Variants in CACNA1S observed in about 807,000 individuals in gnomAD.
CACNA1S encodes the protein voltage-dependent L-type calcium channel subunit alpha-1S.
CACNA1S carries 126 observed loss-of-function variants against 207.4 expected under a neutral mutation model. The ratio of observed to expected loss-of-function variants is 0.61; its 90% CI spans 0.53 to 0.70. The LOEUF is 0.70. Among genes scored for constraint, CACNA1S ranks in the 30% least tolerant of loss-of-function variants. The pLI is 0.00. For synonymous variants in CACNA1S, 960 were observed against 932.7 expected (o/e 1.03, Z -0.53); for missense variants, 2,349 against 2,422.8 (o/e 0.97, Z 0.64).
At chr1:201,107,487 G>C (rs769921254) in intron 2 of CACNA1S, among the ~76,000 whole-genome samples, 9 of 152,194 alleles carry the variant, frequency 5.9e-5, no homozygotes, top group Non-Finnish European at 5.9e-5. Flanking sequence ...TGTGAAGATG[G>C]GAAATGTGTC....
At chr1:201,075,453 C>A in intron 13 of CACNA1S, 42 bp downstream of exon 13, 2 of 1,591,224 alleles carry the variant, frequency 1.3e-6, no homozygotes, top group Non-Finnish European at 1.7e-6. Flanking sequence ...TCCCCCACCC[C>A]CTCCCTAAGC....
At position 201,062,226 on chromosome 1, in the gene CACNA1S, G is replaced by A; in HGVS notation, c.2907-136C>T. ...CTGGGACCCAAGGGGACACCGCTGG[G>A]CGAGTCCGAGGAAAGGGGCCTCTGT... On this transcript the variant is annotated intron_variant, in intron 23 of 43. Coordinates refer to ENST00000362061, the MANE Select transcript of CACNA1S (RefSeq NM_000069.3). 4 of 1,166,762 alleles carry A rather than the reference G, an allele frequency of 3.4e-6. No homozygotes were observed. In the South Asian group the frequency reaches 4.0e-5, roughly 12 times the overall value. The allele number at this position is 1,166,762 out of a possible 1,614,324, so 72.3% of individuals were successfully genotyped here.
At chr1:201,101,218 G>A (rs1370664433) in intron 2 of CACNA1S, among the ~76,000 whole-genome samples, 1 of 152,208 alleles carries the variant, frequency 6.6e-6, no homozygotes, top group Admixed American at 6.5e-5. Flanking sequence ...AATGAACATG[G>A]CTGAAGGTGG....
At chr1:201,040,844 G>T in intron 41 of CACNA1S, 131 bp from the exon 42 acceptor site, 1 of 710,352 alleles carries the variant, frequency 1.4e-6, no homozygotes, top group Non-Finnish European at 2.5e-6. Flanking sequence ...TGCAGAAGGT[G>T]TCTTAGAGGG....
chr1:201,067,442 C>T (rs1012487864), intron 19 of CACNA1S, among the ~76,000 whole-genome samples: 1 of 152,206 alleles, frequency 6.6e-6, no homozygotes, highest in African/African-American at 2.4e-5. Context: ...CACCTCCTTC[C>T]CATCACCTGC....
chr1:201,083,582 C>T (rs1345923727), intron 9 of CACNA1S, among the ~76,000 whole-genome samples: 2 of 152,168 alleles, frequency 1.3e-5, no homozygotes, highest in African/African-American at 4.8e-5. Context: ...AAGTGCCTGG[C>T]AAGGAGCAGA....
intron 3 of CACNA1S, among the ~76,000 whole-genome samples, chr1:201,092,540 GC>G: frequency 6.6e-6 from 1 of 152,242 alleles, no homozygotes; most frequent in East Asian, 1.9e-4. Flanking sequence ...TTTTGATAAT[GC>G]CCTTTATTTT....
intron 7 of CACNA1S, 102 bp from the exon 8 acceptor site, chr1:201,085,683 C>A (rs551775568): frequency 2.1e-6 from 3 of 1,412,852 alleles, no homozygotes; most frequent in Admixed American, 1.9e-5. Context: ...GTGACTGGAG[C>A]GCTCCTTTTT....
chr1:201,054,708 GCTGCCAATCA>G, intron 28 of CACNA1S, 147 bp from the exon 29 acceptor site: 1 of 294,318 alleles, frequency 3.4e-6, no homozygotes, highest in Non-Finnish European at 7.0e-6. Context: ...ACCCCACATG[GCTGCCAATCA>G]GGGGCGGGGT....
chr1:201,073,674 C>G, intron 14 of CACNA1S, 32 bp from the exon 15 acceptor site: 3 of 1,545,576 alleles, frequency 1.9e-6, no homozygotes, highest in Non-Finnish European at 2.7e-6. Flanking sequence ...GGAAGCCAAA[C>G]CAGAAAGTTC....
At chr1:201,109,731 C>A (rs993627400) in intron 2 of CACNA1S, among the ~76,000 whole-genome samples, 8 of 152,166 alleles carry the variant, frequency 5.3e-5, no homozygotes, top group African/African-American at 1.9e-4. Flanking sequence ...TAAAACTCTC[C>A]CATGAAGGCA....
chr1:201,078,088 C>T lies in CACNA1S; in HGVS notation c.1410G>A (p.Val470=), dbSNP rs1661698305. ...TCTCAGTGGTGAAGAGGGACAGCAGCACCCGGTTGGCAATGTCTGTAGGGT... is the reference window on the plus strand; with the variant it reads ...TCTCAGTGGTGAAGAGGGACAGCAGTACCCGGTTGGCAATGTCTGTAGGGT... ...LTRLQDIANR[V]LLSLFTTEML... is the part of the protein sequence containing the mutation. Residue 470 remains valine, a synonymous_variant, in exon 11 of 44, where the codon GTG becomes GTA. Coordinates refer to ENST00000362061, the MANE Select transcript of CACNA1S (RefSeq NM_000069.3). 1 of 1,614,146 alleles carries T rather than the reference C, an allele frequency of 6.2e-7. No individual in the cohort carries two copies. Among genetic ancestry groups the T allele is most frequent in the East Asian group, 2.2e-5 (1 of 44,890 alleles).
At position 201,047,186 on chromosome 1, in the gene CACNA1S, A is replaced by G. The variant is rs1558054261; in HGVS notation, c.4597T>C (p.Phe1533Leu). 2 of 1,614,204 alleles carry G rather than the reference A, an allele frequency of 1.2e-6. No individual in the cohort carries two copies. The highest frequency in any genetic ancestry group is 1.7e-6 in the Non-Finnish European group (2 of 1,180,020). Residue 1533 changes from phenylalanine to leucine, a missense_variant, in exon 38 of 44, where the codon TTC (phenylalanine) becomes CTC (leucine). By Grantham distance (22) the Phe-to-Leu change is conservative. Coordinates refer to ENST00000362061, the MANE Select transcript of CACNA1S (RefSeq NM_000069.3). ...FYATFLIQEH[F>L]RKFMKRQEEY... ...TCTTGGCGTTTCATGAACTTCCGGAAGTGCTCCTGGATGAGGAATGTGGCG... is the reference window on the plus strand; with the variant it reads ...TCTTGGCGTTTCATGAACTTCCGGAGGTGCTCCTGGATGAGGAATGTGGCG...
chr1:201,053,586 T>C lies in CACNA1S; in HGVS notation c.3668A>G (p.Asp1223Gly). The C allele has an allele frequency of 6.2e-7, 1 of 1,607,338 alleles. No individual in the cohort carries two copies. The highest frequency in any genetic ancestry group is 8.5e-7 in the Non-Finnish European group (1 of 1,176,618). ...YCLGGGCGNV[D>G]PDESARISSA... ...GGAGATGCGGGCACTCTCATCTGGG[T>C]CCTGCGGGGCAGCAGCCCCAGAGGT... Residue 1223 changes from aspartate to glycine, a missense_variant and splice_region_variant, in exon 30 of 44, where the codon GAC becomes GGC. Coordinates refer to ENST00000362061, the MANE Select transcript of CACNA1S (RefSeq NM_000069.3). The surrounding 1 kb of genome is among the most constrained non-coding windows in gnomAD (Gnocchi z 5.1).
In CACNA1S at chr1:201,074,508, G is replaced by A; in HGVS notation, c.2061C>T (p.Ser687=). The A allele has an allele frequency of 6.2e-7, 1 of 1,600,564 alleles. No individual in the cohort carries two copies. The highest frequency in any genetic ancestry group is 8.6e-7 in the Non-Finnish European group (1 of 1,167,898). Reference sequence around the variant, plus strand: ...CTTCCTGCTAAGGAAGCACTCACTTGGACATCTTCCTGCGTTTTTTCTCCT... The same window carrying A: ...CTTCCTGCTAAGGAAGCACTCACTTAGACATCTTCCTGCGTTTTTTCTCCT... ...KAEEKKRRKM[S]KGLPDKSEEE... The change falls in exon 14 of 44, where the codon TCC becomes TCT. Residue 687 remains serine (S), a splice_region_variant and synonymous_variant. Transcript: ENST00000362061.
chr1:201,096,812 C>T (rs1662450032), intron 2 of CACNA1S, among the ~76,000 whole-genome samples: 1 of 152,076 alleles, frequency 6.6e-6, no homozygotes, highest in Non-Finnish European at 1.5e-5. Flanking sequence ...ACACGTGGGC[C>T]CTTGGTGAAG....
intron 15 of CACNA1S, among the ~76,000 whole-genome samples, 160 bp downstream of exon 15, chr1:201,073,389 C>T (rs1661488408): frequency 6.6e-6 from 1 of 152,108 alleles, no homozygotes; most frequent in African/African-American, 2.4e-5. Flanking sequence ...GAGATGGATT[C>T]GCTGGCTCTC....
At chr1:201,106,929 C>T (rs1662916385) in intron 2 of CACNA1S, among the ~76,000 whole-genome samples, 1 of 152,224 alleles carries the variant, frequency 6.6e-6, no homozygotes, top group Admixed American at 6.5e-5. Context: ...GCAGCAATGT[C>T]AGCCCAGGGT....
chr1:201,100,499 G>A (rs749418959), intron 2 of CACNA1S, among the ~76,000 whole-genome samples: 14 of 152,320 alleles, frequency 9.2e-5, no homozygotes, highest in Admixed American at 2.0e-4. Context: ...CCAAATAGAC[G>A]TAACTGGAAT....
Sources: gnomAD v4.1 joint callset for allele counts (sites outside exome capture counted in the v4.1 genomes callset) on GRCh38, gnomAD v4.1.1 for gene constraint, Gnocchi (gnomAD v3.1) non-coding constraint, MANE v1.5 for transcripts, NCBI Gene and HGNC (gene_info 2026-07-23, HGNC 2026-07-21) for gene names.